Variants in BTBD17 observed in about 807,000 individuals in gnomAD.
BTBD17 encodes BTB/POZ domain-containing protein 17.
BTBD17 carries 26 observed loss-of-function variants against 36.9 expected under a neutral mutation model. The ratio of observed to expected loss-of-function variants is 0.70; its 90% CI spans 0.52 to 0.98. The LOEUF is 0.98. BTBD17 is among the 50% of genes least tolerant of loss of function. The pLI is 0.00. For missense variants in BTBD17, 630 were observed against 691.3 expected, an observed-to-expected ratio of 0.91 and a Z score of 0.99; for synonymous variants, 341 against 338.0, an observed-to-expected ratio of 1.01 and a Z score of -0.10.
Position 74,357,274 on chromosome 17 carries a change from C to T in BTBD17, c.820G>A (p.Ala274Thr), listed in dbSNP as rs2054901531. 1 of 1,557,880 alleles carries T rather than the reference C, an allele frequency of 6.4e-7. No individual in the cohort carries two copies. The highest frequency in any genetic ancestry group is 1.2e-5 in the South Asian group (1 of 85,184). Residue 274 changes from alanine to threonine, a missense_variant, in exon 3 of 3, where the codon GCC becomes ACC. By Grantham distance (58) the Ala-to-Thr change is moderately conservative. Coordinates refer to ENST00000375366, the MANE Select transcript of BTBD17 (RefSeq NM_001080466.2). The surrounding 1 kb of genome is among the most constrained non-coding windows in gnomAD (Gnocchi z 8.4). Reference protein sequence around the residue: ...QLFQLQARSAALARHGPAVAD... With the variant: ...QLFQLQARSATLARHGPAVAD... ...ACCGCGGGGCCGTGGCGCGCCAGGG[C>T]TGCCGAGCGCGCCTGCAGCTGGAAC... is the stretch of plus-strand genomic sequence containing the variant.
chr17:74,361,266 G>A (rs1264301199), intron 1 of BTBD17, among the ~76,000 whole-genome samples: 1 of 152,258 alleles, frequency 6.6e-6, no homozygotes, highest in Non-Finnish European at 1.5e-5. Context: ...CGCAGAGGGA[G>A]GCGGGCGGGG....
Position 74,357,594 on chromosome 17 carries a change from C to G in BTBD17, c.500G>C (p.Gly167Ala), listed in dbSNP as rs1729496834. ...YMRAHLAGGAGPAVGWYHYAV... is the reference protein window; with the variant it reads ...YMRAHLAGGAAPAVGWYHYAV... ...GTAGTGGTACCAGCCCACCGCCGGG[C>G]CCGCGCCTCCCGCCAGGTGCGCGCG... The change falls in exon 3 of 3, where the codon GGC becomes GCC. Residue 167 changes from glycine to alanine, a missense_variant. Coordinates refer to ENST00000375366, the MANE Select transcript of BTBD17 (RefSeq NM_001080466.2). The surrounding 1 kb of genome is among the most constrained non-coding windows in gnomAD (Gnocchi z 8.4). The G allele has an allele frequency of 6.5e-7, 1 of 1,548,472 alleles. No individual in the cohort carries two copies. Among genetic ancestry groups the G allele is most frequent in the African/African-American group, 1.4e-5 (1 of 73,314 alleles).
Position 74,357,747 on chromosome 17 carries a change from A to C in BTBD17, c.363-16T>G. Reference sequence around the variant, plus strand: ...GTACAGGTACCTGCGGGAGAGACCGAGAGGTGGGGCGGGGTCAGGGCGGTA... The same window carrying C: ...GTACAGGTACCTGCGGGAGAGACCGCGAGGTGGGGCGGGGTCAGGGCGGTA... On this transcript the variant is annotated splice_polypyrimidine_tract_variant and intron_variant, in intron 2 of 2. Transcript: ENST00000375366. The surrounding 1 kb of genome is among the most constrained non-coding windows in gnomAD (Gnocchi z 8.4). The C allele has an allele frequency of 6.6e-7, 1 of 1,518,966 alleles. No individual in the cohort carries two copies. The highest frequency in any genetic ancestry group is 8.8e-7 in the Non-Finnish European group (1 of 1,133,844). The allele number at this position is 1,518,966 out of a possible 1,614,324, so 94.1% of individuals were successfully genotyped here.
intron 2 of BTBD17, 121 bp downstream of exon 2, chr17:74,359,848 G>T: frequency 2.0e-6 from 2 of 992,122 alleles, no homozygotes; most frequent in Non-Finnish European, 3.0e-6. Context: ...TGTCATCCCA[G>T]TGATGTCCGG....
Position 74,357,619 on chromosome 17 carries a change from G to A in BTBD17, c.475C>T (p.Arg159Cys). 2 of 1,550,122 alleles carry A rather than the reference G, an allele frequency of 1.3e-6. No homozygotes were observed. The highest frequency in any genetic ancestry group is 1.4e-5 in the African/African-American group (1 of 73,464). ...CCCGCGCCTCCCGCCAGGTGCGCGC[G>A]CATGTAGTCGGCCACGCCGCGCTGC... ...SLQRGVADYM[R>C]AHLAGGAGPA... Residue 159 changes from arginine (R) to cysteine (C), a missense_variant, in exon 3 of 3, where the codon CGC becomes TGC. Arg to Cys is a radical substitution (Grantham distance 180). Transcript: ENST00000375366. The surrounding 1 kb of genome is among the most constrained non-coding windows in gnomAD (Gnocchi z 8.4).
intron 2 of BTBD17, among the ~76,000 whole-genome samples, chr17:74,358,890 T>C (rs1173351782): frequency 6.6e-6 from 1 of 152,224 alleles, no homozygotes; most frequent in Non-Finnish European, 1.5e-5. Flanking sequence ...TGTGACTAAC[T>C]GCTGGTCAAT....
At chr17:74,361,694 C>T (rs749902802) in intron 1 of BTBD17, 41 bp downstream of exon 1, 76 of 1,559,778 alleles carry the variant, frequency 4.9e-5, no homozygotes, top group Non-Finnish European at 6.6e-5. Context: ...GGACGACCTG[C>T]CGCTCCACCC....
intron 1 of BTBD17, 135 bp downstream of exon 1, chr17:74,361,600 C>T (rs2054938574): frequency 3.0e-6 from 2 of 664,672 alleles, no homozygotes; most frequent in Non-Finnish European, 5.1e-6. Flanking sequence ...ACAGATGAGT[C>T]CGTGGAGCTG....
At chr17:74,358,949 C>T (rs897494678) in intron 2 of BTBD17, among the ~76,000 whole-genome samples, 13 of 152,334 alleles carry the variant, frequency 8.5e-5, no homozygotes, top group Admixed American at 2.6e-4. Flanking sequence ...CAACTGATTC[C>T]GGGTTAACAG....
rs935142856 is a variant in BTBD17, at chr17:74,360,869, C to T, written c.86-624G>A. ...ACCAGTGTCAAGGCAGGCTCCAGCC[C>T]CGCAAAGGCCCTTGAACGGAATGGG... On this transcript the variant is annotated intron_variant, in intron 1 of 2. Transcript: ENST00000375366. 1.1e-4 allele frequency among the ~76,000 whole-genome samples: 17 copies of T among 152,326 alleles called. 1 individual carries two copies. The highest frequency in any genetic ancestry group is 1.0e-4 in the Non-Finnish European group (7 of 68,036).
chr17:74,357,164 G>A lies in BTBD17; in HGVS notation c.930C>T (p.Ala310=), dbSNP rs2054900250. ...YAKFFDVNGS[A]FLPRNYLAPA... ...GCGCGAGGTAGTTGCGGGGCAGGAA[G>A]GCGCTGCCGTTGACGTCGAAGAACT... is the stretch of plus-strand genomic sequence containing the variant. Residue 310 remains alanine, a synonymous_variant, in exon 3 of 3, where the codon GCC becomes GCT. Coordinates refer to ENST00000375366, the MANE Select transcript of BTBD17 (RefSeq NM_001080466.2). This position sits in a 1 kb window ranked among gnomAD's most constrained non-coding sequence, Gnocchi z 8.4. The A allele has an allele frequency of 6.5e-7, 1 of 1,546,044 alleles. No homozygotes were observed. Among genetic ancestry groups the A allele is most frequent in the African/African-American group, 1.4e-5 (1 of 69,814 alleles).
At position 74,356,539 on chromosome 17, in the gene BTBD17, G is replaced by A; in HGVS notation, c.*118C>T. On this transcript the variant is annotated 3_prime_UTR_variant, in exon 3 of 3. Coordinates refer to ENST00000375366, the MANE Select transcript of BTBD17 (RefSeq NM_001080466.2). The surrounding 1 kb of genome is among the most constrained non-coding windows in gnomAD (Gnocchi z 4.3). ...TCACCTGGACTCCACCCCAGCCCTA[G>A]GGTGGCCGGCGCCTGGCCATCCAGG... The A allele has an allele frequency of 1.5e-6, 2 of 1,339,008 alleles. No homozygotes were observed. The highest frequency in any genetic ancestry group is 1.9e-6 in the Non-Finnish European group (2 of 1,042,634). The allele number at this position is 1,339,008 out of a possible 1,614,324, so 82.9% of individuals were successfully genotyped here. A position where few individuals can be genotyped will look rare whatever the true frequency, so the allele number is the denominator to read the frequency against.
chr17:74,360,073 C>T lies in BTBD17; in HGVS notation c.258G>A (p.Leu86=), dbSNP rs1270310595. 1.2e-6 allele frequency: 2 copies of T among 1,613,276 alleles called. No homozygotes were observed. Among genetic ancestry groups the T allele is most frequent in the East Asian group, 4.5e-5 (2 of 44,884 alleles). The change falls in exon 2 of 3, where the codon CTG becomes CTA. Residue 86 remains leucine, a synonymous_variant. Coordinates refer to ENST00000375366, the MANE Select transcript of BTBD17 (RefSeq NM_001080466.2). ...GGAACAGCTCACTGTGCAGTCCCAG[C>T]AGCAGGCGGTGGGCGTGGAATACCC... The part of the protein sequence containing the change: ...EVRVFHAHRL[L]LGLHSELFLE...
In BTBD17 at chr17:74,359,961, G is replaced by T; in HGVS notation, c.362+8C>A. 6.2e-7 allele frequency: 1 copy of T among 1,602,834 alleles called. No individual in the cohort carries two copies. The highest frequency in any genetic ancestry group is 8.5e-7 in the Non-Finnish European group (1 of 1,172,444). On this transcript the variant is annotated splice_region_variant and intron_variant, in intron 2 of 2. Coordinates refer to ENST00000375366, the MANE Select transcript of BTBD17 (RefSeq NM_001080466.2). ...ATGAAGCCATCCCCTAGTCTTCCGC[G>T]TCCCCACCTGATGAACTTGTCGAAG...
rs766568463 is a variant in BTBD17 at position 74,360,115 on chromosome 17, C to T, written c.216G>A (p.Ala72=). Reference sequence around the variant, plus strand: ...GGAATACCCGGACCTCATCGGTGCCCGCAGCCTGCACCCGCAGAACCACAT... The same window carrying T: ...GGAATACCCGGACCTCATCGGTGCCTGCAGCCTGCACCCGCAGAACCACAT... ...ASDVVLRVQA[A]GTDEVRVFHA... is the part of the protein sequence containing the mutation. The change falls in exon 2 of 3, where the codon GCG becomes GCA. Residue 72 remains alanine (A), a synonymous_variant. Coordinates refer to ENST00000375366, the MANE Select transcript of BTBD17 (RefSeq NM_001080466.2). 1.1e-5 allele frequency: 18 copies of T among 1,613,224 alleles called. No individual in the cohort carries two copies. Among genetic ancestry groups the T allele is most frequent in the East Asian group, 2.2e-5 (1 of 44,884 alleles).
At position 74,356,594 on chromosome 17, in the gene BTBD17, GCCTTGC is replaced by G; in HGVS notation, c.*57_*62del. 1 of 1,379,272 alleles carries G rather than the reference GCCTTGC, an allele frequency of 7.3e-7. No individual in the cohort carries two copies. Among genetic ancestry groups the G allele is most frequent in the Non-Finnish European group, 9.4e-7 (1 of 1,062,932 alleles). The allele number at this position is 1,379,272 out of a possible 1,614,324, so 85.4% of individuals were successfully genotyped here. On this transcript the variant is annotated 3_prime_UTR_variant, in exon 3 of 3. Coordinates refer to ENST00000375366, the MANE Select transcript of BTBD17 (RefSeq NM_001080466.2). This position sits in a 1 kb window ranked among gnomAD's most constrained non-coding sequence, Gnocchi z 4.3. ...CAGGCTTGTTGCCACCTCCAGGCTC[GCCTTGC>G]CCTTCCCAGACCCACAGGGACCACC...
intron 1 of BTBD17, 112 bp downstream of exon 1, chr17:74,361,623 C>T (rs975221591): frequency 5.0e-5 from 40 of 802,902 alleles, no homozygotes; most frequent in African/African-American, 3.6e-4. Context: ...CGGTCCACCC[C>T]GTGCTCTCCC....
At chr17:74,363,302 T>C (rs916145550), upstream of BTBD17, among the ~76,000 whole-genome samples, 2 of 151,802 alleles carry the variant, frequency 1.3e-5, no homozygotes, top group Non-Finnish European at 2.9e-5. Flanking sequence ...GTTGGCAGAG[T>C]TGGAGCTCTC....
rs761126423 is a variant in BTBD17, at chr17:74,360,189, C to T, written c.142G>A (p.Ala48Thr). Residue 48 changes from alanine (A) to threonine (T), a missense_variant, in exon 2 of 3, where the codon GCG (alanine) becomes ACG (threonine). Coordinates refer to ENST00000375366, the MANE Select transcript of BTBD17 (RefSeq NM_001080466.2). ...AGCTCCTGCAAGCGCTGGAGCACCG[C>T]CTGGGAGTGGTTGATGGAGGTGCCA... is the stretch of plus-strand genomic sequence containing the variant. ...AAGTSINHSQ[A>T]VLQRLQELLR... 28 of 1,611,716 alleles carry T rather than the reference C, an allele frequency of 1.7e-5. No homozygotes were observed. The highest frequency in any genetic ancestry group is 2.4e-5 in the Non-Finnish European group (28 of 1,179,420).
Sources: gnomAD v4.1 joint callset for allele counts (sites outside exome capture counted in the v4.1 genomes callset) on GRCh38, gnomAD v4.1.1 for gene constraint, Gnocchi (gnomAD v3.1) non-coding constraint, MANE v1.5 for transcripts, NCBI Gene and HGNC (gene_info 2026-07-23, HGNC 2026-07-21) for gene names.